WWOX: variants seen among roughly 807,000 people sequenced by gnomAD.
WWOX encodes the protein WW domain containing oxidoreductase, also known as WW domain-containing oxidoreductase.
A neutral mutation model predicts 46.2 loss-of-function variants in WWOX; 69 were observed. That is an observed-to-expected ratio of 1.49 (90% CI 1.23 to 1.82). WWOX has a LOEUF of 1.82. WWOX is among the 40% of genes most tolerant of loss of function. The pLI is 0.00. For missense variants in WWOX, 919 were observed against 542.6 expected, an observed-to-expected ratio of 1.69 and a Z score of -6.89; for synonymous variants, 359 against 202.6, an observed-to-expected ratio of 1.77 and a Z score of -6.56.
chr16:78,737,815 C>G (rs893365508), intron 8 of WWOX, among the ~76,000 whole-genome samples: 1 of 152,180 alleles, frequency 6.6e-6, no homozygotes, highest in Non-Finnish European at 1.5e-5. Flanking sequence ...AGAAGAGAAG[C>G]CTGTAAACTC....
chr16:79,097,531 T>C (rs1398369078), intron 8 of WWOX, among the ~76,000 whole-genome samples: 1 of 152,186 alleles, frequency 6.6e-6, no homozygotes. Flanking sequence ...CTCCACATGC[T>C]TTCTAATGTC....
At chr16:78,467,621 T>C (rs2151430919) in intron 8 of WWOX, among the ~76,000 whole-genome samples, 1 of 152,308 alleles carries the variant, frequency 6.6e-6, no homozygotes, top group Admixed American at 6.5e-5. Context: ...GAGAAAAATC[T>C]TGGGGAAAAT....
At chr16:78,731,183 G>A (rs976183872) in intron 8 of WWOX, among the ~76,000 whole-genome samples, 18 of 152,080 alleles carry the variant, frequency 1.2e-4, no homozygotes, top group Admixed American at 3.3e-4. Flanking sequence ...AACTGAGACC[G>A]TGGCTAATAT....
intron 8 of WWOX, among the ~76,000 whole-genome samples, chr16:79,143,497 G>C (rs1425216677): frequency 6.6e-6 from 1 of 152,138 alleles, no homozygotes. Flanking sequence ...GATTTTACTA[G>C]CTAGGACAAA....
intron 5 of WWOX, among the ~76,000 whole-genome samples, chr16:78,356,654 G>A (rs769093721): frequency 8.5e-5 from 13 of 152,172 alleles, no homozygotes; most frequent in Non-Finnish European, 1.3e-4. Context: ...AGGCCAAGGC[G>A]AGTGGATCAC....
intron 8 of WWOX, among the ~76,000 whole-genome samples, chr16:78,744,925 G>T (rs1047591440): frequency 6.6e-6 from 1 of 152,140 alleles, no homozygotes; most frequent in Non-Finnish European, 1.5e-5. Flanking sequence ...TTCCTCCTAT[G>T]TCAGGTCTTA....
chr16:79,169,852 A>AT (rs1273102726), intron 8 of WWOX, among the ~76,000 whole-genome samples: 5 of 152,242 alleles, frequency 3.3e-5, no homozygotes, highest in African/African-American at 7.2e-5. Flanking sequence ...AGATTGCTGT[A>AT]TTGCAGGGAA....
intron 8 of WWOX, among the ~76,000 whole-genome samples, chr16:78,528,757 G>T (rs996616755): frequency 3.3e-5 from 5 of 151,984 alleles, no homozygotes; most frequent in African/African-American, 1.2e-4. Context: ...AGGGGTTTGA[G>T]GAAAATGAAA....
chr16:78,369,373 C>G (rs1031610865), intron 5 of WWOX, among the ~76,000 whole-genome samples: 1 of 152,134 alleles, frequency 6.6e-6, no homozygotes, highest in Non-Finnish European at 1.5e-5. Context: ...TCAGGAAATG[C>G]TTTCCATTTA....
intron 8 of WWOX, among the ~76,000 whole-genome samples, chr16:79,147,016 C>T (rs534572833): frequency 6.6e-6 from 1 of 152,250 alleles, no homozygotes; most frequent in East Asian, 1.9e-4. Context: ...ATAGCTTTTG[C>T]AAAACAATTG....
chr16:78,583,122 G>T (rs931084835), intron 8 of WWOX, among the ~76,000 whole-genome samples: 1 of 152,174 alleles, frequency 6.6e-6, no homozygotes, highest in Non-Finnish European at 1.5e-5. Flanking sequence ...TTTTGTTTTC[G>T]AAGCCTTTGT....
chr16:78,653,385 T>G (rs1357552411), intron 8 of WWOX, among the ~76,000 whole-genome samples: 1 of 152,234 alleles, frequency 6.6e-6, no homozygotes, highest in African/African-American at 2.4e-5. Context: ...GCAGTAATAA[T>G]AGATGACTCC....
chr16:78,734,177 A>T (rs1193306599), intron 8 of WWOX, among the ~76,000 whole-genome samples: 1 of 152,184 alleles, frequency 6.6e-6, no homozygotes, highest in Non-Finnish European at 1.5e-5. Flanking sequence ...GAGACTTAGG[A>T]TTTCCAGTGA....
At chr16:78,542,018 C>CAAAAAAAAAAAAAAAAAAA (rs548366256) in intron 8 of WWOX, among the ~76,000 whole-genome samples, 9 of 40,638 alleles carry the variant, frequency 2.2e-4, no homozygotes, top group South Asian at 1.5e-3. Flanking sequence ...CAGAGTATAC[C>CAAAAAAAAAAAAAAAAAAA]AAAAAAAAAA....
intron 5 of WWOX, among the ~76,000 whole-genome samples, chr16:78,228,621 T>C (rs2151804834): frequency 6.6e-6 from 1 of 152,236 alleles, no homozygotes; most frequent in African/African-American, 2.4e-5. Flanking sequence ...GGATTACAGG[T>C]GTGAGCCACT....
chr16:78,846,187 T>C (rs2151174599), intron 8 of WWOX, among the ~76,000 whole-genome samples: 1 of 152,328 alleles, frequency 6.6e-6, no homozygotes, highest in South Asian at 2.1e-4. Flanking sequence ...CCATAAAAAA[T>C]ACTGCAAAGA....
chr16:78,324,018 T>G (rs1384714150), intron 5 of WWOX, among the ~76,000 whole-genome samples: 1 of 152,176 alleles, frequency 6.6e-6, no homozygotes, highest in Non-Finnish European at 1.5e-5. Flanking sequence ...CCTATGAGAT[T>G]ATTTCCTCTG....
intron 5 of WWOX, among the ~76,000 whole-genome samples, chr16:78,294,495 C>T (rs951837952): frequency 6.6e-6 from 1 of 152,120 alleles, no homozygotes; most frequent in African/African-American, 2.4e-5. Flanking sequence ...TCCCTCTCAA[C>T]AAAACAATTT....
At chr16:78,561,802 A>T (rs2044444037) in intron 8 of WWOX, among the ~76,000 whole-genome samples, 1 of 152,184 alleles carries the variant, frequency 6.6e-6, no homozygotes, top group Admixed American at 6.5e-5. Context: ...GCAGAGAAGA[A>T]CGCAGGGTTC....
Sources: allele counts gnomAD v4.1 joint callset (sites outside exome capture counted in the v4.1 genomes callset), GRCh38; gene constraint gnomAD v4.1.1; transcripts MANE v1.5; gene names NCBI Gene and HGNC (gene_info 2026-07-23, HGNC 2026-07-21).